ROBO1: variants seen among roughly 807,000 people sequenced by gnomAD.
ROBO1 encodes roundabout guidance receptor 1.
A neutral mutation model predicts 195.9 loss-of-function variants in ROBO1; 149 were observed. The ratio of observed to expected loss-of-function variants is 0.76; its 90% CI spans 0.67 to 0.87. The LOEUF (loss-of-function observed/expected upper bound fraction) is 0.87, where lower values mean the gene tolerates loss of function less well. Ranked by LOEUF, ROBO1 falls within the 40% of genes least tolerant of loss-of-function variation. The pLI is 0.00. For missense variants in ROBO1, 1,933 were observed against 2,068.3 expected, an observed-to-expected ratio of 0.93 and a Z score of 1.27; for synonymous variants, 816 against 733.2, an observed-to-expected ratio of 1.11 and a Z score of -1.82.
intron 3 of ROBO1, among the ~76,000 whole-genome samples, chr3:79,117,142 G>A (rs1009936531): frequency 1.1e-4 from 16 of 152,088 alleles, no homozygotes; most frequent in South Asian, 2.1e-4. Context: ...CAAGGTGGGC[G>A]GATTGCCCGT....
chr3:79,308,911 C>T (rs570108178), intron 2 of ROBO1, among the ~76,000 whole-genome samples: 1 of 152,214 alleles, frequency 6.6e-6, no homozygotes, highest in South Asian at 2.1e-4. Flanking sequence ...GAACAATATT[C>T]AAAGTTATCT....
At chr3:79,760,270 A>AAAAAAAAAAC in intron 1 of ROBO1, among the ~76,000 whole-genome samples, 1 of 143,704 alleles carries the variant, frequency 7.0e-6, no homozygotes, top group Non-Finnish European at 1.5e-5. Context: ...AAAAAAAAAA[A>AAAAAAAAAAC]AGCACAAGTG....
At chr3:79,100,180 G>C (rs1191100963) in intron 3 of ROBO1, among the ~76,000 whole-genome samples, 1 of 151,616 alleles carries the variant, frequency 6.6e-6, no homozygotes, top group Non-Finnish European at 1.5e-5. Context: ...AACACATCTG[G>C]GCACCATCAT....
intron 2 of ROBO1, among the ~76,000 whole-genome samples, chr3:79,144,124 T>A (rs1293235026): frequency 6.6e-6 from 1 of 152,098 alleles, no homozygotes; most frequent in Non-Finnish European, 1.5e-5. Context: ...ATGTGGGTAG[T>A]TTCCAGTTTT....
At chr3:79,017,946 G>A (rs1270107437) in intron 3 of ROBO1, among the ~76,000 whole-genome samples, 1 of 152,132 alleles carries the variant, frequency 6.6e-6, no homozygotes, top group African/African-American at 2.4e-5. Flanking sequence ...GGAAGAGGAG[G>A]GGCTAGAGAG....
At chr3:79,094,487 C>T (rs1190213619) in intron 3 of ROBO1, among the ~76,000 whole-genome samples, 6 of 152,100 alleles carry the variant, frequency 3.9e-5, no homozygotes, top group Non-Finnish European at 5.9e-5. Flanking sequence ...TTTTTCACTG[C>T]ACATGGCAGG....
chr3:79,362,398 A>G (rs569457971), intron 2 of ROBO1, among the ~76,000 whole-genome samples: 1 of 152,248 alleles, frequency 6.6e-6, no homozygotes, highest in South Asian at 2.1e-4. Flanking sequence ...AGAACATTAT[A>G]TTTAAGCTAC....
At chr3:78,721,835 C>A (rs2082051841) in intron 5 of ROBO1, among the ~76,000 whole-genome samples, 1 of 152,116 alleles carries the variant, frequency 6.6e-6, no homozygotes, top group African/African-American at 2.4e-5. Flanking sequence ...TGCTTATGCA[C>A]ACGTGGGCCA....
chr3:79,053,545 C>G (rs2078744708), intron 3 of ROBO1, among the ~76,000 whole-genome samples: 1 of 151,972 alleles, frequency 6.6e-6, no homozygotes, highest in African/African-American at 2.4e-5. Context: ...ACTTCAGCCC[C>G]TCACCCTCCT....
At chr3:79,325,074 G>A (rs766076527) in intron 2 of ROBO1, among the ~76,000 whole-genome samples, 6 of 152,274 alleles carry the variant, frequency 3.9e-5, no homozygotes, top group South Asian at 2.1e-4. Flanking sequence ...CCCTCAGAGC[G>A]CATATGTGAA....
intron 2 of ROBO1, among the ~76,000 whole-genome samples, chr3:79,442,361 T>C (rs2039085431): frequency 6.6e-6 from 1 of 152,228 alleles, no homozygotes; most frequent in East Asian, 1.9e-4. Flanking sequence ...AATTTCTTTT[T>C]ATGAGGAATT....
chr3:78,840,259 G>C (rs1050079103), intron 4 of ROBO1, among the ~76,000 whole-genome samples: 13 of 152,104 alleles, frequency 8.5e-5, no homozygotes, highest in African/African-American at 3.1e-4. Flanking sequence ...CTGCGATTTG[G>C]TAATATCTGA....
chr3:78,959,018 G>T (rs934849095), intron 3 of ROBO1, among the ~76,000 whole-genome samples: 1 of 151,746 alleles, frequency 6.6e-6, no homozygotes, highest in African/African-American at 2.4e-5. Flanking sequence ...TGCCAGGTGG[G>T]TCTCCAACTC....
At chr3:79,752,561 A>T (rs1704176546) in intron 1 of ROBO1, among the ~76,000 whole-genome samples, 1 of 152,166 alleles carries the variant, frequency 6.6e-6, no homozygotes, top group Non-Finnish European at 1.5e-5. Context: ...GTGTGTGCAG[A>T]GGGTGAAAGG....
intron 3 of ROBO1, chr3:79,019,437 G>A: frequency 1.0e-6 from 1 of 986,216 alleles, no homozygotes; most frequent in Non-Finnish European, 1.2e-6. Flanking sequence ...CTGCTCTCAC[G>A]CTGCCTCCTC....
chr3:78,788,107 T>C (rs2083898940), intron 4 of ROBO1, among the ~76,000 whole-genome samples: 1 of 149,650 alleles, frequency 6.7e-6, no homozygotes, highest in Non-Finnish European at 1.5e-5. Context: ...GCCCGACTGA[T>C]TTTGTTTTTG....
In ROBO1 at chr3:78,788,442, A is replaced by T. The variant is rs868464927; in HGVS notation, c.500-41542T>A. Among the ~76,000 whole-genome samples the T allele has an allele frequency of 7.1e-3, 982 of 137,546 alleles. 2 individuals are homozygous for T. Among genetic ancestry groups the T allele is most frequent in the Non-Finnish European group, 0.01 (664 of 64,498 alleles). The allele number at this position is 137,546 out of a possible 152,430, so 90.2% of individuals were successfully genotyped here. On this transcript the variant is annotated intron_variant, in intron 4 of 30. Coordinates refer to ENST00000464233, the MANE Select transcript of ROBO1 (RefSeq NM_002941.4). The stretch of plus-strand genomic sequence containing the variant: ...CTCTCTTTTCTTTTTTTTTTTTTTA[A>T]AAAAAAAAAAAAAAAAAAAAGATTC...
intron 8 of ROBO1, among the ~76,000 whole-genome samples, chr3:78,690,815 T>G (rs2081156470): frequency 6.6e-6 from 1 of 152,080 alleles, no homozygotes; most frequent in African/African-American, 2.4e-5. Flanking sequence ...AGTAAAAAAC[T>G]TCGGGTGGTC....
chr3:78,748,734 G>GA (rs1266072633), intron 4 of ROBO1, among the ~76,000 whole-genome samples: 1 of 151,692 alleles, frequency 6.6e-6, no homozygotes, highest in African/African-American at 2.4e-5. Context: ...TCACATCCAT[G>GA]AAAAAAATCC....
Sources: allele counts gnomAD v4.1 joint callset (sites outside exome capture counted in the v4.1 genomes callset), GRCh38; gene constraint gnomAD v4.1.1; transcripts MANE v1.5; gene names NCBI Gene and HGNC (gene_info 2026-07-23, HGNC 2026-07-21).